DLEC1: variants seen among roughly 807,000 people sequenced by gnomAD.
DLEC1 encodes the protein deleted in lung and esophageal cancer protein 1.
In DLEC1, 146 loss-of-function variants were observed where a neutral mutation model predicts 198.1. The observed-to-expected ratio is 0.74, with a 90% CI of 0.64 to 0.85. The LOEUF is 0.85. Among genes scored for constraint, DLEC1 ranks in the 40% least tolerant of loss-of-function variants. The pLI is 0.00. For synonymous variants in DLEC1, 897 were observed against 866.8 expected (o/e 1.03, Z -0.61); for missense variants, 2,233 against 2,220.0 (o/e 1.01, Z -0.12).
rs1487531435 is a variant in DLEC1, at chr3:38,063,845, G to A, written c.1099G>A (p.Ala367Thr). The change falls in exon 6 of 37, where the codon GCT becomes ACT. Residue 367 changes from alanine to threonine, a missense_variant. Transcript: ENST00000308059. The part of the protein sequence containing the change: ...FQSTEPEQSC[A>T]DTPVFLAKPP... ...CCCTCTTTTTTCATCCCACAGTTGT[G>A]CTGATACTCCAGTGTTTCTAGCTAA... The A allele has an allele frequency of 2.5e-6, 4 of 1,612,998 alleles. No individual in the cohort carries two copies. The highest frequency in any genetic ancestry group is 1.6e-4 in the Middle Eastern group (1 of 6,082).
At chr3:38,116,372 T>C in intron 27 of DLEC1, 81 bp from the exon 28 acceptor site, 1 of 1,386,690 alleles carries the variant, frequency 7.2e-7, no homozygotes, top group Middle Eastern at 1.8e-4. Flanking sequence ...CATCTCTGTC[T>C]GGGGGTATGA....
At chr3:38,078,932 G>A (rs961055560) in intron 6 of DLEC1, among the ~76,000 whole-genome samples, 6 of 152,326 alleles carry the variant, frequency 3.9e-5, no homozygotes, top group Admixed American at 2.0e-4. Context: ...GAATTGTAAG[G>A]AGAGTTTATA....
At chr3:38,045,509 CA>C (rs748274741) in intron 1 of DLEC1, 33 bp from the exon 2 acceptor site, 251 of 1,601,346 alleles carry the variant, frequency 1.6e-4, no homozygotes, top group Non-Finnish European at 2.0e-4. Context: ...GTAATCTCAC[CA>C]TATTTCTGTG....
intron 23 of DLEC1, 47 bp from the exon 24 acceptor site, chr3:38,111,630 A>T (rs1203211532): frequency 2.5e-6 from 4 of 1,592,802 alleles, no homozygotes; most frequent in Non-Finnish European, 3.4e-6. Context: ...AGGTCTTGGG[A>T]CAGGCTTGTC....
At chr3:38,121,599 A>C in intron 34 of DLEC1, 29 bp from the exon 35 acceptor site, 1 of 1,605,512 alleles carries the variant, frequency 6.2e-7, no homozygotes, top group Non-Finnish European at 8.5e-7. Context: ...GCCCACCCAG[A>C]ATGGACAAGG....
chr3:38,047,334 G>T (rs913386245), intron 2 of DLEC1, among the ~76,000 whole-genome samples: 1 of 152,256 alleles, frequency 6.6e-6, no homozygotes. Flanking sequence ...ATACTGCAAA[G>T]TTGTTTAAAA....
At position 38,045,587 on chromosome 3, in the gene DLEC1, GGA is replaced by G; in HGVS notation, c.461_462del (p.Arg154ThrfsTer14). 6.2e-7 allele frequency: 1 copy of G among 1,614,072 alleles called. No homozygotes were observed. Among genetic ancestry groups the G allele is most frequent in the East Asian group, 2.2e-5 (1 of 44,874 alleles). The stretch of plus-strand genomic sequence containing the variant: ...AGCGGCTGGATGAGTTTGAAATGTT[GGA>G]GAGACATATCACTCAGGCCCAAGCA... The part of the protein sequence containing the change: ...KQRLDEFEML[E>X]RHITQAQARA... On this transcript the variant is annotated frameshift_variant, in exon 2 of 37. Coordinates refer to ENST00000308059, the MANE Select transcript of DLEC1 (RefSeq NM_007335.4). LOFTEE classifies it high-confidence loss of function.
chr3:38,092,767 G>T (rs202094856), intron 10 of DLEC1, 23 bp from the exon 11 acceptor site: 6 of 1,611,640 alleles, frequency 3.7e-6, no homozygotes, highest in Admixed American at 3.3e-5. Context: ...GGGAGGTAAC[G>T]GAACAACCCT....
Position 38,039,236 on chromosome 3 carries a change from G to A in DLEC1, c.11G>A (p.Arg4Lys), listed in dbSNP as rs760565793. The change falls in exon 1 of 37, where the codon AGG (arginine) becomes AAG (lysine). Residue 4 changes from arginine to lysine, a missense_variant. Physicochemically the swap from Arg to Lys is conservative, Grantham distance 26 (BLOSUM62 2). Transcript: ENST00000308059. METRSSKTRRSLAS... is the reference protein window; with the variant it reads METKSSKTRRSLAS... ...GGCGTCTCGGTTGCCATGGAGACCAGGAGCTCCAAAACGCGGAGGTCTTTA... is the reference window on the plus strand; with the variant it reads ...GGCGTCTCGGTTGCCATGGAGACCAAGAGCTCCAAAACGCGGAGGTCTTTA... The A allele has an allele frequency of 1.2e-6, 2 of 1,604,864 alleles. No homozygotes were observed. The highest frequency in any genetic ancestry group is 1.7e-6 in the Non-Finnish European group (2 of 1,173,946).
At position 38,039,504 on chromosome 3, in the gene DLEC1, G is replaced by T; in HGVS notation, c.279G>T (p.Ser93=). ...RPSSLRTQDI[S]HLLTGVFRNL... ...CCTCGCTGCGCACCCAAGATATCTC[G>T]CACTTGCTCACCGGCGTCTTCCGCA... The change falls in exon 1 of 37, where the codon TCG becomes TCT. Residue 93 remains serine (S), a synonymous_variant. Transcript: ENST00000308059. The T allele has an allele frequency of 5.0e-6, 8 of 1,614,036 alleles. No individual in the cohort carries two copies. The highest frequency in any genetic ancestry group is 6.8e-6 in the Non-Finnish European group (8 of 1,179,906).
At position 38,112,124 on chromosome 3, in the gene DLEC1, G is replaced by A. The variant is rs1441819356; in HGVS notation, c.3515-86G>A. Reference sequence around the variant, plus strand: ...AGAGGCTGGAGGGTGGCTTATCGGGGACAGTGCTTTGCTCACACACGAGGG... The same window carrying A: ...AGAGGCTGGAGGGTGGCTTATCGGGAACAGTGCTTTGCTCACACACGAGGG... On this transcript the variant is annotated intron_variant, in intron 24 of 36. Transcript: ENST00000308059. The surrounding 1 kb of genome is among the most constrained non-coding windows in gnomAD (Gnocchi z 4.8). The A allele has an allele frequency of 1.3e-6, 2 of 1,583,398 alleles. No homozygotes were observed. The highest frequency in any genetic ancestry group is 2.2e-5 in the East Asian group (1 of 44,670).
At chr3:38,051,158 C>T (rs1701097584) in intron 2 of DLEC1, among the ~76,000 whole-genome samples, 3 of 152,248 alleles carry the variant, frequency 2.0e-5, no homozygotes, top group Admixed American at 1.3e-4. Flanking sequence ...ACCTCAGCCT[C>T]CCACAGTGCT....
In DLEC1 at chr3:38,096,675, C is replaced by A; in HGVS notation, c.2278C>A (p.Pro760Thr). ...SVEPFQVLLE[P>T]YALIIPGENY... ...AGAACCTTTCCAGGTTCTCTTAGAG[C>A]CATATGCCCTCATCATCCCAGGGGA... is the stretch of plus-strand genomic sequence containing the variant. The change falls in exon 15 of 37, where the codon CCA (proline) becomes ACA (threonine). Residue 760 changes from proline to threonine, a missense_variant. Coordinates refer to ENST00000308059, the MANE Select transcript of DLEC1 (RefSeq NM_007335.4). 6.2e-7 allele frequency: 1 copy of A among 1,613,520 alleles called. No individual in the cohort carries two copies. The highest frequency in any genetic ancestry group is 1.1e-5 in the South Asian group (1 of 91,046).
At position 38,117,734 on chromosome 3, in the gene DLEC1, C is replaced by G; in HGVS notation, c.4486-72C>G. The G allele has an allele frequency of 1.9e-6, 3 of 1,597,712 alleles. No homozygotes were observed. In the South Asian group the frequency reaches 3.3e-5, roughly 18 times the overall value. ...ATCCCCTCCCCCAGCCCTCCCAGCC[C>G]TACCCTAGAGCCATGGGGTTGAAGA... On this transcript the variant is annotated intron_variant, in intron 32 of 36. Transcript: ENST00000308059.
intron 19 of DLEC1, among the ~76,000 whole-genome samples, chr3:38,104,299 A>C (rs6784319): frequency 0.076 from 11,593 of 152,074 alleles, 572 homozygotes; most frequent in African/African-American, 0.13. Context: ...TCTACTAAAA[A>C]TACAAAAATT....
intron 8 of DLEC1, 124 bp from the exon 9 acceptor site, chr3:38,086,117 G>T: frequency 1.5e-6 from 2 of 1,362,760 alleles, no homozygotes; most frequent in Non-Finnish European, 2.0e-6. Flanking sequence ...CATCCTCTCT[G>T]CATAGGGTGC....
intron 6 of DLEC1, among the ~76,000 whole-genome samples, chr3:38,082,429 G>A (rs2125663215): frequency 6.6e-6 from 1 of 151,980 alleles, no homozygotes; most frequent in East Asian, 2.0e-4. Flanking sequence ...CGGCACTTTG[G>A]GAGGCCAAGG....
chr3:38,045,526 G>A lies in DLEC1; in HGVS notation c.412-17G>A. 1.2e-6 allele frequency: 2 copies of A among 1,609,334 alleles called. No homozygotes were observed. Among genetic ancestry groups the A allele is most frequent in the Non-Finnish European group, 8.5e-7 (1 of 1,177,934 alleles). On this transcript the variant is annotated splice_polypyrimidine_tract_variant and intron_variant, in intron 1 of 36. Coordinates refer to ENST00000308059, the MANE Select transcript of DLEC1 (RefSeq NM_007335.4). ...AATCTCACCATATTTCTGTGCATTT[G>A]ATCATCCCCCTGCCAGATTCGGGAG...
In DLEC1 at chr3:38,084,380, G is replaced by GGTA. The variant is rs1287176617; in HGVS notation, c.1261+141_1261+143dup. 5.8e-6 allele frequency: 3 copies of GGTA among 515,096 alleles called. No homozygotes were observed. In the South Asian group the frequency reaches 6.8e-5, roughly 12 times the overall value. The allele number at this position is 515,096 out of a possible 1,614,324, so 31.9% of individuals were successfully genotyped here. A position where few individuals can be genotyped will look rare whatever the true frequency, so the allele number is the denominator to read the frequency against. ...TGGTGGTAGTAGTAGTAGTGATGGT[G>GGTA]GTAGTAGTGGTAGTAGTAGTAGTGG... On this transcript the variant is annotated intron_variant, in intron 7 of 36. Coordinates refer to ENST00000308059, the MANE Select transcript of DLEC1 (RefSeq NM_007335.4).
Sources: allele counts gnomAD v4.1 joint callset (sites outside exome capture counted in the v4.1 genomes callset), GRCh38; gene constraint gnomAD v4.1.1; non-coding constraint Gnocchi (gnomAD v3.1); transcripts MANE v1.5; gene names NCBI Gene and HGNC (gene_info 2026-07-23, HGNC 2026-07-21).